Variants in MICAL2 observed in about 807,000 individuals in gnomAD.
MICAL2 encodes the protein [F-actin]-monooxygenase MICAL2.
A neutral mutation model predicts 127.3 loss-of-function variants in MICAL2; 77 were observed. The ratio of observed to expected loss-of-function variants is 0.60; its 90% CI spans 0.50 to 0.73. The LOEUF is 0.73. Ranked by LOEUF, MICAL2 falls within the 30% of genes least tolerant of loss-of-function variation. The pLI, the probability that MICAL2 is intolerant of heterozygous loss-of-function variation, is 0.00. For synonymous variants in MICAL2, 570 were observed against 551.1 expected (o/e 1.03, Z -0.48); for missense variants, 1,351 against 1,434.4 (o/e 0.94, Z 0.94).
upstream of MICAL2, among the ~76,000 whole-genome samples, chr11:12,272,010 C>T (rs192457440): frequency 3.7e-4 from 57 of 152,312 alleles, 1 homozygote; most frequent in East Asian, 0.01. Flanking sequence ...GCTCTGTGCT[C>T]TGAGAGGCCA....
rs770762421 is a variant in MICAL2, at chr11:12,221,703, A to G, written c.1266A>G (p.Ala422=). The change falls in exon 10 of 28, where the codon GCA becomes GCG. Residue 422 remains alanine, a synonymous_variant. Transcript: ENST00000683283. The part of the protein sequence containing the change: ...ARGFLAAFDT[A]WMVKSWNQGT... The stretch of plus-strand genomic sequence containing the variant: ...GCTTCCTGGCAGCCTTTGACACGGC[A>G]TGGATGGTGAAGAGCTGGAACCAGG... 1.9e-6 allele frequency: 3 copies of G among 1,613,990 alleles called. No individual in the cohort carries two copies. Among genetic ancestry groups the G allele is most frequent in the Non-Finnish European group, 2.5e-6 (3 of 1,179,952 alleles).
intron 17 of MICAL2, among the ~76,000 whole-genome samples, chr11:12,240,301 A>C (rs1464311375): frequency 6.6e-6 from 1 of 152,176 alleles, no homozygotes; most frequent in Admixed American, 6.5e-5. Context: ...TGCTCCCCTG[A>C]ACTTCCTTTA....
At chr11:12,128,801 T>C (rs549196439) in intron 1 of MICAL2, among the ~76,000 whole-genome samples, 2 of 152,336 alleles carry the variant, frequency 1.3e-5, no homozygotes, top group Middle Eastern at 6.8e-3. Context: ...ACCAGCCATG[T>C]AAGTCCAAGA....
downstream of MICAL2, chr11:12,294,802 T>TCCTCCC (rs1393457836): frequency 6.5e-6 from 9 of 1,388,040 alleles, no homozygotes; most frequent in South Asian, 1.4e-4. Flanking sequence ...AGGCAGCTCC[T>TCCTCCC]CCTCCTCCTC....
Position 12,203,861 on chromosome 11 carries a change from CT to C in MICAL2, c.265-384del, listed in dbSNP as rs147792688. On this transcript the variant is annotated intron_variant, in intron 3 of 27. Coordinates refer to ENST00000683283, the MANE Select transcript of MICAL2 (RefSeq NM_001282663.2). ...CAAGACCACAAAGATGTACCATATGCTTTTTAAAAGTGATCTTATTTACAAT... is the reference window on the plus strand; with the variant it reads ...CAAGACCACAAAGATGTACCATATGCTTTTAAAAGTGATCTTATTTACAAT... 9.6e-3 allele frequency among the ~76,000 whole-genome samples: 1,463 copies of C among 152,234 alleles called. 29 individuals are homozygous for C. The highest frequency in any genetic ancestry group is 0.033 in the African/African-American group (1,382 of 41,528).
intron 26 of MICAL2, chr11:12,260,629 G>A: frequency 1.0e-6 from 1 of 987,076 alleles, no homozygotes; most frequent in Non-Finnish European, 1.2e-6. Context: ...AGTGCCTTTT[G>A]ACTTAGGTAC....
chr11:12,346,376 T>C (rs2134892092), intron 32 of MICAL2, among the ~76,000 whole-genome samples: 1 of 152,348 alleles, frequency 6.6e-6, no homozygotes, highest in Non-Finnish European at 1.5e-5. Context: ...AGATAGAAAC[T>C]GAGGCTTAGG....
intron 1 of MICAL2, among the ~76,000 whole-genome samples, chr11:12,114,154 C>T (rs1471926217): frequency 2.0e-5 from 3 of 152,206 alleles, no homozygotes; most frequent in Admixed American, 2.0e-4. Flanking sequence ...TGAGATTATG[C>T]CTGGTTGGCT....
intron 3 of MICAL2, among the ~76,000 whole-genome samples, chr11:12,175,582 A>AGTCT (rs1554966664): frequency 7.8e-6 from 1 of 128,238 alleles, no homozygotes; most frequent in Admixed American, 8.5e-5. Context: ...ATGTGTGGGG[A>AGTCT]GTCTGTGTGT....
At chr11:12,306,948 G>A (rs915696346) in intron 29 of MICAL2, among the ~76,000 whole-genome samples, 3 of 152,208 alleles carry the variant, frequency 2.0e-5, no homozygotes, top group African/African-American at 7.2e-5. Flanking sequence ...GTAGAGACAT[G>A]TTTCCATTTG....
At chr11:12,248,780 G>GGTAGGAGGATAAATCTCAGGGACAA (rs1861130689) in intron 21 of MICAL2, among the ~76,000 whole-genome samples, 1 of 18,228 alleles carries the variant, frequency 5.5e-5, no homozygotes, top group Non-Finnish European at 1.5e-4. Flanking sequence ...CTCAGGGACA[G>GGTAGGAGGATAAATCTCAGGGACAA]GTCTCAAGGC....
intron 13 of MICAL2, 92 bp downstream of exon 13, chr11:12,224,912 C>CTCTT (rs747445961): frequency 2.2e-4 from 318 of 1,438,586 alleles, no homozygotes; most frequent in Middle Eastern, 1.7e-3. Context: ...TTCAATATTT[C>CTCTT]TCTTTCTGTG....
At chr11:12,317,508 C>T (rs1224980562) in intron 29 of MICAL2, among the ~76,000 whole-genome samples, 2 of 152,136 alleles carry the variant, frequency 1.3e-5, no homozygotes, top group Non-Finnish European at 2.9e-5. Context: ...GAAAAGTGTA[C>T]TAGGCCAGGT....
At position 12,222,659 on chromosome 11, in the gene MICAL2, C is replaced by T. The variant is rs1379798593; in HGVS notation, c.1365C>T (p.Asn455=). The T allele has an allele frequency of 1.9e-6, 3 of 1,614,124 alleles. No homozygotes were observed. The highest frequency in any genetic ancestry group is 1.7e-5 in the Admixed American group (1 of 60,014). The change falls in exon 11 of 28, where the codon AAC becomes AAT. Residue 455 remains asparagine, a synonymous_variant. Transcript: ENST00000683283. ...YRLLPQTTPE[N]INKNFEQYTL... The stretch of plus-strand genomic sequence containing the variant: ...TGTTACCTCAGACAACCCCGGAGAA[C>T]ATCAACAAGAACTTTGAGCAGTACA...
chr11:12,167,037 C>G (rs1156571094), intron 3 of MICAL2, among the ~76,000 whole-genome samples: 1 of 152,066 alleles, frequency 6.6e-6, no homozygotes, highest in African/African-American at 2.4e-5. Context: ...CTGGTCCAGG[C>G]TGTGAACAGA....
chr11:12,212,286 A>T (rs959588453), intron 6 of MICAL2, among the ~76,000 whole-genome samples: 5 of 152,320 alleles, frequency 3.3e-5, no homozygotes, highest in Admixed American at 3.3e-4. Context: ...CCTGGGCAAC[A>T]TGATGAAACT....
At chr11:12,242,977 G>A (rs1445078742) in intron 20 of MICAL2, 2 of 453,538 alleles carry the variant, frequency 4.4e-6, no homozygotes, top group Non-Finnish European at 7.7e-6. Flanking sequence ...AATACATCAT[G>A]AGAAAGGAAA....
At position 12,255,735 on chromosome 11, in the gene MICAL2, C is replaced by T; in HGVS notation, c.2940C>T (p.Ala980=). ...YMNDHRPKAQ[A]TSPDLESMRK... Reference sequence around the variant, plus strand: ...ATGATCACAGACCTAAGGCCCAGGCCACCTCTCCAGACCTGGTAAGGACAT... The same window carrying T: ...ATGATCACAGACCTAAGGCCCAGGCTACCTCTCCAGACCTGGTAAGGACAT... Residue 980 remains alanine (A), a synonymous_variant, in exon 23 of 28, where the codon GCC becomes GCT. Transcript: ENST00000683283. 3 of 1,613,508 alleles carry T rather than the reference C, an allele frequency of 1.9e-6. No homozygotes were observed. Among genetic ancestry groups the T allele is most frequent in the Non-Finnish European group, 1.7e-6 (2 of 1,179,690 alleles).
chr11:12,183,911 C>T (rs912644342), intron 3 of MICAL2, among the ~76,000 whole-genome samples: 8 of 152,306 alleles, frequency 5.3e-5, no homozygotes, highest in African/African-American at 1.9e-4. Context: ...TCCCGAGTAG[C>T]TGGGACCACC....
Sources: gnomAD v4.1 joint callset for allele counts (sites outside exome capture counted in the v4.1 genomes callset) on GRCh38, gnomAD v4.1.1 for gene constraint, MANE v1.5 for transcripts, NCBI Gene and HGNC (gene_info 2026-07-23, HGNC 2026-07-21) for gene names.